The following SCEL variants were observed in gnomAD, a reference collection of about 807,000 sequenced individuals.
The protein encoded by SCEL is sciellin.
A neutral mutation model predicts 117.6 loss-of-function variants in SCEL; 113 were observed. That is an observed-to-expected ratio of 0.96 (90% confidence interval 0.83 to 1.12). SCEL has a LOEUF of 1.12. Ranked by LOEUF, SCEL falls within the 50% of genes most tolerant of loss-of-function variation. SCEL has a pLI of 0.00. For missense variants in SCEL, 785 were observed against 810.8 expected (o/e 0.97, Z 0.39); for synonymous variants, 270 against 256.2 (o/e 1.05, Z -0.51).
chr13:77,642,647 C>T (rs762916838), intron 31 of SCEL, 59 bp from the exon 32 acceptor site: 212 of 1,036,444 alleles, frequency 2.0e-4, no homozygotes, highest in Middle Eastern at 2.8e-4. Context: ...ATGTCTGTTC[C>T]TCTAATAATC....
chr13:77,625,553 T>C (rs1738907380), intron 27 of SCEL, among the ~76,000 whole-genome samples: 3 of 152,322 alleles, frequency 2.0e-5, no homozygotes, highest in African/African-American at 7.2e-5. Context: ...ATTGGCATAG[T>C]TCCACTGTTA....
At chr13:77,578,379 G>T (rs2086075177) in intron 9 of SCEL, among the ~76,000 whole-genome samples, 1 of 151,952 alleles carries the variant, frequency 6.6e-6, no homozygotes, top group African/African-American at 2.4e-5. Context: ...CAGAGAAAGG[G>T]CTTTCATGTC....
intron 1 of SCEL, among the ~76,000 whole-genome samples, chr13:77,552,546 G>T (rs2084396217): frequency 6.6e-6 from 1 of 151,776 alleles, no homozygotes; most frequent in Non-Finnish European, 1.5e-5. Flanking sequence ...GGGGTTGTTT[G>T]TTTTTTCTTG....
intron 30 of SCEL, 86 bp downstream of exon 30, chr13:77,637,280 GCACA>G (rs1212301243): frequency 3.8e-6 from 1 of 263,894 alleles, no homozygotes; most frequent in East Asian, 7.0e-5. Flanking sequence ...ACACACACAG[GCACA>G]CACACATATA....
intron 27 of SCEL, among the ~76,000 whole-genome samples, chr13:77,621,690 G>A (rs1024317891): frequency 1.3e-5 from 2 of 152,124 alleles, no homozygotes; most frequent in African/African-American, 4.8e-5. Flanking sequence ...CACATATTAA[G>A]GATAAATCTC....
At position 77,591,461 on chromosome 13, in the gene SCEL, G is replaced by A. The variant is rs1305089731; in HGVS notation, c.692+1G>A. On this transcript the variant is annotated splice_donor_variant, in intron 11 of 32. Coordinates refer to ENST00000349847, the MANE Select transcript of SCEL (RefSeq NM_144777.3). LOFTEE classifies it high-confidence loss of function. Reference sequence around the variant, plus strand: ...ACAGATCTGCTGAAAGAAATATAAGGTACACTGATTTCTATTTATATCTAT... The same window carrying A: ...ACAGATCTGCTGAAAGAAATATAAGATACACTGATTTCTATTTATATCTAT... 1.6e-5 allele frequency: 24 copies of A among 1,513,650 alleles called. No individual in the cohort carries two copies. Among genetic ancestry groups the A allele is most frequent in the Non-Finnish European group, 1.9e-5 (21 of 1,091,518 alleles). The allele number at this position is 1,513,650 out of a possible 1,614,324, so 93.8% of individuals were successfully genotyped here.
chr13:77,570,630 C>G (rs1348048374), intron 8 of SCEL, among the ~76,000 whole-genome samples: 4 of 152,296 alleles, frequency 2.6e-5, no homozygotes, highest in Non-Finnish European at 4.4e-5. Context: ...GCTTTCCTGT[C>G]TGCCTTTTCT....
At chr13:77,568,538 A>G (rs1004960803) in intron 7 of SCEL, among the ~76,000 whole-genome samples, 3 of 152,060 alleles carry the variant, frequency 2.0e-5, no homozygotes, top group Admixed American at 6.5e-5. Flanking sequence ...ATTGCCAATC[A>G]TTACTCTATC....
chr13:77,565,082 A>T (rs910610195), intron 5 of SCEL, among the ~76,000 whole-genome samples: 1 of 152,134 alleles, frequency 6.6e-6, no homozygotes, highest in African/African-American at 2.4e-5. Flanking sequence ...GATAATTGAG[A>T]CTCAAGTAAG....
At chr13:77,562,929 T>C (rs548891523) in intron 4 of SCEL, among the ~76,000 whole-genome samples, 1 of 152,354 alleles carries the variant, frequency 6.6e-6, no homozygotes, top group South Asian at 2.1e-4. Flanking sequence ...CTTTAAATGA[T>C]ACTTAGAAAT....
chr13:77,611,422 T>G (rs531567387), intron 22 of SCEL, among the ~76,000 whole-genome samples: 1 of 152,336 alleles, frequency 6.6e-6, no homozygotes, highest in South Asian at 2.1e-4. Context: ...CCCCCTGATT[T>G]GGCATATATT....
chr13:77,570,040 T>C (rs2085506213), intron 8 of SCEL, among the ~76,000 whole-genome samples: 1 of 152,216 alleles, frequency 6.6e-6, no homozygotes, highest in Non-Finnish European at 1.5e-5. Context: ...AAGAGATGTT[T>C]GCATGTTGAA....
intron 8 of SCEL, among the ~76,000 whole-genome samples, chr13:77,571,733 A>ATATATATATATT (rs1467275880): frequency 1.4e-4 from 21 of 148,236 alleles, no homozygotes; most frequent in African/African-American, 5.2e-4. Context: ...ATATATATAG[A>ATATATATATATT]GTAGAGTATA....
intron 4 of SCEL, 28 bp downstream of exon 4, chr13:77,559,891 A>G: frequency 6.3e-7 from 1 of 1,584,312 alleles, no homozygotes; most frequent in East Asian, 2.2e-5. Flanking sequence ...TTACATCATG[A>G]GCAGAAACAC....
intron 22 of SCEL, among the ~76,000 whole-genome samples, chr13:77,610,941 C>T (rs971634871): frequency 5.3e-5 from 8 of 152,150 alleles, no homozygotes; most frequent in Non-Finnish European, 1.0e-4. Flanking sequence ...CATAACAAAA[C>T]CACCAGCTTG....
At chr13:77,589,104 G>A (rs1308438064) in intron 9 of SCEL, 40 bp from the exon 10 acceptor site, 4 of 1,449,772 alleles carry the variant, frequency 2.8e-6, no homozygotes, top group Middle Eastern at 1.7e-4. Context: ...AATTTACCAT[G>A]TTTCCATGGT....
intron 19 of SCEL, among the ~76,000 whole-genome samples, chr13:77,606,168 G>T (rs750778057): frequency 5.9e-5 from 9 of 152,164 alleles, no homozygotes; most frequent in African/African-American, 1.9e-4. Flanking sequence ...ATGTACATGA[G>T]TGTGTGCATT....
chr13:77,573,511 G>A (rs1817786525), intron 9 of SCEL, among the ~76,000 whole-genome samples: 1 of 152,118 alleles, frequency 6.6e-6, no homozygotes, highest in Non-Finnish European at 1.5e-5. Flanking sequence ...TCATTTCCAA[G>A]TAATGGATAT....
At position 77,628,058 on chromosome 13, in the gene SCEL, C is replaced by G. The variant is rs375106667; in HGVS notation, c.1691+49C>G. The stretch of plus-strand genomic sequence containing the variant: ...TTTTTCTTATGAGTTCTATATGCAT[C>G]TGCATATATTGTATAGCCTTAGAAG... On this transcript the variant is annotated intron_variant, in intron 28 of 32. Transcript: ENST00000349847. The G allele has an allele frequency of 8.3e-5, 54 of 653,856 alleles. No individual in the cohort carries two copies. In the Admixed American group the frequency reaches 8.5e-4, roughly 10 times the overall value. The allele number at this position is 653,856 out of a possible 1,614,324, so 40.5% of individuals were successfully genotyped here.
Sources: gnomAD v4.1 joint callset for allele counts (sites outside exome capture counted in the v4.1 genomes callset) on GRCh38, gnomAD v4.1.1 for gene constraint, MANE v1.5 for transcripts, NCBI Gene and HGNC (gene_info 2026-07-23, HGNC 2026-07-21) for gene names.